OLFM3: variants seen among roughly 807,000 people sequenced by gnomAD.
OLFM3 encodes noelin-3.
Under a neutral mutation model 48.6 loss-of-function variants are expected in OLFM3, and 20 were observed. The observed-to-expected ratio is 0.41, with a 90% CI of 0.29 to 0.60. The LOEUF is 0.60. Among genes scored for constraint, OLFM3 ranks in the 20% least tolerant of loss-of-function variants. OLFM3 has a pLI of 0.28. For synonymous variants in OLFM3, 222 were observed against 198.1 expected, an observed-to-expected ratio of 1.12 and a Z score of -1.01; for missense variants, 437 against 544.3, an observed-to-expected ratio of 0.80 and a Z score of 1.96.
chr1:101,988,075 C>T (rs1324090046), intron 1 of OLFM3, among the ~76,000 whole-genome samples: 1 of 151,830 alleles, frequency 6.6e-6, no homozygotes, highest in African/African-American at 2.4e-5. Flanking sequence ...TTATATGGCA[C>T]AGTACCATTA....
At chr1:101,835,637 G>C (rs1655365278) in intron 2 of OLFM3, among the ~76,000 whole-genome samples, 1 of 152,152 alleles carries the variant, frequency 6.6e-6, no homozygotes, top group Non-Finnish European at 1.5e-5. Flanking sequence ...CTAATAGTTA[G>C]ATGCATGTTA....
At chr1:101,840,568 T>G (rs1429235068) in intron 1 of OLFM3, among the ~76,000 whole-genome samples, 1 of 151,952 alleles carries the variant, frequency 6.6e-6, no homozygotes, top group Non-Finnish European at 1.5e-5. Flanking sequence ...CCTCCTGAGT[T>G]CAAGTGATTC....
At chr1:101,901,860 A>C (rs141589928) in intron 1 of OLFM3, among the ~76,000 whole-genome samples, 57 of 152,228 alleles carry the variant, frequency 3.7e-4, no homozygotes, top group African/African-American at 1.3e-3. Context: ...TTTGATTTAA[A>C]TGCTACAGGT....
At chr1:101,811,622 C>T (rs1243151750) in intron 4 of OLFM3, among the ~76,000 whole-genome samples, 1 of 152,142 alleles carries the variant, frequency 6.6e-6, no homozygotes, top group Non-Finnish European at 1.5e-5. Flanking sequence ...AAATGCAAAT[C>T]AAAACCACAA....
At chr1:101,875,257 T>C (rs1657252323) in intron 1 of OLFM3, among the ~76,000 whole-genome samples, 2 of 152,020 alleles carry the variant, frequency 1.3e-5, no homozygotes, top group African/African-American at 2.4e-5. Flanking sequence ...CTATTTTATA[T>C]GATACTGTGA....
intron 1 of OLFM3, among the ~76,000 whole-genome samples, chr1:101,911,296 C>G (rs1403595006): frequency 6.6e-6 from 1 of 152,012 alleles, no homozygotes; most frequent in African/African-American, 2.4e-5. Flanking sequence ...TTAACTTACA[C>G]AGAAAAAGTA....
chr1:101,909,974 G>A, intron 1 of OLFM3: 14 of 985,324 alleles, frequency 1.4e-5, no homozygotes, highest in Non-Finnish European at 1.7e-5. Flanking sequence ...TACCACATAA[G>A]CATAGCCAGA....
intron 1 of OLFM3, among the ~76,000 whole-genome samples, chr1:101,993,059 T>A (rs1661459926): frequency 6.6e-6 from 1 of 152,150 alleles, no homozygotes; most frequent in South Asian, 2.1e-4. Context: ...TCTGATATAT[T>A]TATGAGACAA....
At chr1:101,894,900 A>T (rs187919359) in intron 1 of OLFM3, among the ~76,000 whole-genome samples, 74 of 152,238 alleles carry the variant, frequency 4.9e-4, no homozygotes, top group Admixed American at 2.8e-3. Flanking sequence ...TGGAGCTTAA[A>T]CATGTTATTT....
At chr1:101,805,005 T>C in intron 5 of OLFM3, 90 bp from the exon 6 acceptor site, 1 of 1,020,422 alleles carries the variant, frequency 9.8e-7, no homozygotes, top group Non-Finnish European at 1.4e-6. Context: ...CAACACTTAT[T>C]ATAATTCTCA....
At chr1:101,834,201 T>C (rs1232642423) in intron 2 of OLFM3, among the ~76,000 whole-genome samples, 2 of 152,078 alleles carry the variant, frequency 1.3e-5, no homozygotes, top group Admixed American at 6.6e-5. Context: ...ATTGAGAAAA[T>C]GCAAACGGAT....
chr1:101,996,261 C>G (rs1401689260), intron 1 of OLFM3, among the ~76,000 whole-genome samples: 1 of 152,186 alleles, frequency 6.6e-6, no homozygotes, highest in East Asian at 1.9e-4. Context: ...GTTTTACAAG[C>G]AGCATCCCAA....
intron 1 of OLFM3, among the ~76,000 whole-genome samples, chr1:101,960,657 C>T (rs868820871): frequency 4.6e-5 from 7 of 152,054 alleles, no homozygotes; most frequent in Non-Finnish European, 8.8e-5. Flanking sequence ...CTTATTAATT[C>T]TCATTTTATA....
At chr1:101,888,450 T>G (rs981694149) in intron 1 of OLFM3, among the ~76,000 whole-genome samples, 1 of 152,120 alleles carries the variant, frequency 6.6e-6, no homozygotes, top group Admixed American at 6.6e-5. Flanking sequence ...TAGGCATATG[T>G]AGAAAGCTGA....
intron 1 of OLFM3, among the ~76,000 whole-genome samples, chr1:101,957,002 AG>A (rs1660317979): frequency 6.6e-6 from 1 of 151,948 alleles, no homozygotes; most frequent in South Asian, 2.1e-4. Flanking sequence ...ATAAAAAAAA[AG>A]TGGCTGTAGA....
intron 1 of OLFM3, among the ~76,000 whole-genome samples, chr1:101,987,714 G>A (rs1316310926): frequency 6.6e-6 from 1 of 152,040 alleles, no homozygotes; most frequent in Admixed American, 6.5e-5. Flanking sequence ...GGTCCCTCTA[G>A]TAATATTATT....
At chr1:101,834,114 C>T (rs187642432) in intron 2 of OLFM3, among the ~76,000 whole-genome samples, 52 of 152,178 alleles carry the variant, frequency 3.4e-4, no homozygotes, top group Admixed American at 2.7e-3. Flanking sequence ...AATATAAATA[C>T]CTGTTAAATG....
At chr1:101,818,004 A>T (rs2100882981) in intron 4 of OLFM3, among the ~76,000 whole-genome samples, 1 of 152,244 alleles carries the variant, frequency 6.6e-6, no homozygotes, top group Middle Eastern at 3.4e-3. Context: ...TCTAATGGTT[A>T]TCTGGCTAAT....
At chr1:101,868,704 G>A (rs1227846365) in intron 1 of OLFM3, among the ~76,000 whole-genome samples, 1 of 152,174 alleles carries the variant, frequency 6.6e-6, no homozygotes, top group Non-Finnish European at 1.5e-5. Context: ...GGCATGTTAT[G>A]GTGGCTCTTC....
Sources: allele counts gnomAD v4.1 joint callset (sites outside exome capture counted in the v4.1 genomes callset), GRCh38; gene constraint gnomAD v4.1.1; transcripts MANE v1.5; gene names NCBI Gene and HGNC (gene_info 2026-07-23, HGNC 2026-07-21).